Variants in UNC79 observed in about 807,000 individuals in gnomAD.
UNC79 encodes protein unc-79 homolog.
UNC79 carries 37 observed loss-of-function variants against 283.1 expected under a neutral mutation model. The ratio of observed to expected loss-of-function variants is 0.13; its 90% CI spans 0.10 to 0.17. The LOEUF (loss-of-function observed/expected upper bound fraction) is 0.17. UNC79 is among the 10% of genes least tolerant of loss of function. UNC79 has a pLI of 1.00. For synonymous variants in UNC79, 1,107 were observed against 1,200.2 expected, an observed-to-expected ratio of 0.92 and a Z score of 1.61; for missense variants, 2,272 against 3,211.1, an observed-to-expected ratio of 0.71 and a Z score of 7.07.
At chr14:93,463,810 C>G (rs1248679974) in intron 1 of UNC79, among the ~76,000 whole-genome samples, 3 of 152,050 alleles carry the variant, frequency 2.0e-5, no homozygotes, top group Non-Finnish European at 4.4e-5. Flanking sequence ...GGCCTTAAGT[C>G]AGAACTGTTT....
intron 14 of UNC79, among the ~76,000 whole-genome samples, chr14:93,543,204 A>G (rs562590960): frequency 6.6e-6 from 1 of 150,768 alleles, no homozygotes; most frequent in East Asian, 2.0e-4. Context: ...TTAATCATGT[A>G]TATATATATA....
At chr14:93,625,303 C>T (rs910596407) in intron 30 of UNC79, among the ~76,000 whole-genome samples, 5 of 152,184 alleles carry the variant, frequency 3.3e-5, no homozygotes, top group Non-Finnish European at 7.3e-5. Flanking sequence ...AGCTGCATAC[C>T]CTCAGATCAC....
rs182449628 is a variant in UNC79, at chr14:93,672,329, C to A, written c.6637-1022C>A. Among the ~76,000 whole-genome samples the A allele has an allele frequency of 3.3e-5, 5 of 152,248 alleles. No individual in the cohort carries two copies. In the East Asian group the frequency reaches 9.6e-4, roughly 29 times the overall value. ...TGGATAAAGAAATGTGGCATGTATA[C>A]ATAATGAACTACTATTCAACCATAA... On this transcript the variant is annotated intron_variant, in intron 40 of 48. Transcript: ENST00000555664.
exon 4 of UNC79, chr14:93,477,643 G>A (rs1351072872): frequency 6.2e-7 from 1 of 1,613,146 alleles, no homozygotes; most frequent in Admixed American, 1.7e-5. Flanking sequence ...CCTACACGAT[G>A]ATATCAACGT....
At chr14:93,619,021 G>T (rs1240045137) in intron 29 of UNC79, among the ~76,000 whole-genome samples, 2 of 152,038 alleles carry the variant, frequency 1.3e-5, no homozygotes, top group African/African-American at 4.8e-5. Context: ...ATTTTAAATT[G>T]ACATCATTTA....
intron 31 of UNC79, among the ~76,000 whole-genome samples, chr14:93,631,139 A>ATCCTAATTTGTTTT (rs1399210491): frequency 3.5e-4 from 54 of 152,322 alleles, no homozygotes; most frequent in Admixed American, 2.7e-3. Context: ...CTGGCCAAGT[A>ATCCTAATTTGTTTT]TCCTAATTTG....
chr14:93,360,971 T>G (rs2054208093), intron 1 of UNC79, among the ~76,000 whole-genome samples: 1 of 152,010 alleles, frequency 6.6e-6, no homozygotes, highest in African/African-American at 2.4e-5. Context: ...CCCAGCACTT[T>G]GGGAGGCCAA....
rs1454920133 is a variant in UNC79, at chr14:93,477,552, T to G, written c.449-6T>G. Reference sequence around the variant, plus strand: ...CAGTGACTGATTACTCAATTTTGTTTTGTAGATCTTGGACAGTCGATATTT... The same window carrying G: ...CAGTGACTGATTACTCAATTTTGTTGTGTAGATCTTGGACAGTCGATATTT... On this transcript the variant is annotated splice_region_variant and splice_polypyrimidine_tract_variant and intron_variant, in intron 3 of 48. Transcript: ENST00000555664. 2 of 1,571,822 alleles carry G rather than the reference T, an allele frequency of 1.3e-6. No individual in the cohort carries two copies. The highest frequency in any genetic ancestry group is 1.2e-5 in the South Asian group (1 of 84,886).
intron 4 of UNC79, among the ~76,000 whole-genome samples, chr14:93,485,750 CA>C (rs1392131100): frequency 1.3e-5 from 2 of 152,224 alleles, no homozygotes; most frequent in East Asian, 3.9e-4. Context: ...CCCTGAGTAT[CA>C]CCGGCGTAGG....
chr14:93,554,983 A>G (rs2062088447), intron 14 of UNC79, among the ~76,000 whole-genome samples: 1 of 152,198 alleles, frequency 6.6e-6, no homozygotes, highest in South Asian at 2.1e-4. Context: ...CTAATTCTAT[A>G]TATCCCCAGG....
chr14:93,692,522 A>C (rs1455521123), intron 46 of UNC79, among the ~76,000 whole-genome samples: 1 of 152,194 alleles, frequency 6.6e-6, no homozygotes, highest in Non-Finnish European at 1.5e-5. Flanking sequence ...ATTTAGAAAA[A>C]CCTTAGCCAA....
At chr14:93,594,818 G>C (rs900328034) in intron 23 of UNC79, among the ~76,000 whole-genome samples, 6 of 152,146 alleles carry the variant, frequency 3.9e-5, no homozygotes, top group African/African-American at 1.2e-4. Flanking sequence ...GCATGCCACA[G>C]TGTGGCTTCT....
chr14:93,526,510 G>A (rs968336582), intron 8 of UNC79, among the ~76,000 whole-genome samples: 1 of 152,096 alleles, frequency 6.6e-6, no homozygotes, highest in Admixed American at 6.5e-5. Context: ...GCATCAAGAT[G>A]GAAGGTTAAT....
intron 1 of UNC79, among the ~76,000 whole-genome samples, chr14:93,383,715 G>T (rs1443944459): frequency 6.6e-6 from 1 of 151,988 alleles, no homozygotes; most frequent in Non-Finnish European, 1.5e-5. Flanking sequence ...ACTTAGGCTG[G>T]GCACGGTGGC....
chr14:93,590,927 C>T (rs533368778), intron 22 of UNC79, among the ~76,000 whole-genome samples: 4 of 152,204 alleles, frequency 2.6e-5, no homozygotes, highest in African/African-American at 7.2e-5. Flanking sequence ...GAAGCATCAT[C>T]GTCCTTGTAA....
At position 93,396,505 on chromosome 14, in the gene UNC79, ATTG is replaced by A. The variant is rs1464361779; in HGVS notation, c.-351+62985_-351+62987del. Among the ~76,000 whole-genome samples the A allele has an allele frequency of 7.7e-4, 117 of 151,716 alleles. 1 individual carries two copies. The highest frequency in any genetic ancestry group is 2.8e-3 in the African/African-American group (115 of 41,310). ...TTTTTACTGTTCTTATAGTCTTTTT[ATTG>A]TTCTTGTTGAAAGCTAGACATTTTA... On this transcript the variant is annotated intron_variant, in intron 1 of 49. Transcript: ENST00000256339.
chr14:93,541,815 C>T (rs2061386572), intron 13 of UNC79, among the ~76,000 whole-genome samples: 1 of 152,016 alleles, frequency 6.6e-6, no homozygotes, highest in Non-Finnish European at 1.5e-5. Context: ...ACCATCCTGG[C>T]TAACACAGTG....
chr14:93,696,396 T>C (rs2075131216), intron 47 of UNC79, among the ~76,000 whole-genome samples: 2 of 152,334 alleles, frequency 1.3e-5, no homozygotes, highest in Non-Finnish European at 2.9e-5. Context: ...TCCAAACCAT[T>C]TTCCAAAGCT....
chr14:93,391,628 T>C (rs1331261764), intron 1 of UNC79, among the ~76,000 whole-genome samples: 1 of 152,178 alleles, frequency 6.6e-6, no homozygotes, highest in Non-Finnish European at 1.5e-5. Context: ...AGAGTCTTGC[T>C]GTGTTGCCCA....
Sources: gnomAD v4.1 joint callset for allele counts (sites outside exome capture counted in the v4.1 genomes callset) on GRCh38, gnomAD v4.1.1 for gene constraint, MANE v1.5 for transcripts, NCBI Gene and HGNC (gene_info 2026-07-23, HGNC 2026-07-21) for gene names.